ADAMTSL1: variants seen among roughly 807,000 people sequenced by gnomAD.
The protein encoded by ADAMTSL1 is ADAMTS-like protein 1.
A neutral mutation model predicts 201.8 loss-of-function variants in ADAMTSL1; 126 were observed. The ratio of observed to expected loss-of-function variants is 0.62; its 90% CI spans 0.54 to 0.72. The LOEUF (loss-of-function observed/expected upper bound fraction) is 0.72. ADAMTSL1 is among the 30% of genes least tolerant of loss of function. The probability of loss-of-function intolerance (pLI) is 0.00; values close to 1 mark genes in which losing one functional copy is unlikely to be tolerated. For synonymous variants in ADAMTSL1, 1,121 were observed against 903.4 expected (o/e 1.24, Z -4.32); for missense variants, 2,679 against 2,277.8 (o/e 1.18, Z -3.59).
At chr9:18,843,210 G>A (rs1825849589) in intron 23 of ADAMTSL1, among the ~76,000 whole-genome samples, 1 of 150,750 alleles carries the variant, frequency 6.6e-6, no homozygotes, top group Non-Finnish European at 1.5e-5. Context: ...TCCTTCAGGA[G>A]CTCTTTTAGG....
chr9:18,416,059 C>A (rs1241942705), intron 2 of ADAMTSL1, among the ~76,000 whole-genome samples: 1 of 151,910 alleles, frequency 6.6e-6, no homozygotes, highest in East Asian at 1.9e-4. Context: ...AGGAAATCCT[C>A]CAAGCAAAAT....
chr9:18,238,721 G>A (rs918799886), intron 2 of ADAMTSL1, among the ~76,000 whole-genome samples: 2 of 152,116 alleles, frequency 1.3e-5, no homozygotes, highest in African/African-American at 4.8e-5. Flanking sequence ...ATTTATGTTT[G>A]TATACATTTA....
chr9:18,101,240 A>G (rs10756934), intron 1 of ADAMTSL1, among the ~76,000 whole-genome samples: 88,362 of 151,980 alleles, frequency 0.58, 26,760 homozygotes, highest in African/African-American at 0.77. Flanking sequence ...GCTCACGTCT[A>G]TAATCTTAGC....
At chr9:18,581,817 G>A (rs1823115545) in intron 4 of ADAMTSL1, among the ~76,000 whole-genome samples, 1 of 152,176 alleles carries the variant, frequency 6.6e-6, no homozygotes, top group Non-Finnish European at 1.5e-5. Flanking sequence ...AATAATCCTT[G>A]TGGCTCAGTG....
chr9:18,340,575 A>C (rs1275572423), intron 2 of ADAMTSL1, among the ~76,000 whole-genome samples: 2 of 151,800 alleles, frequency 1.3e-5, no homozygotes, highest in Non-Finnish European at 2.9e-5. Flanking sequence ...TCCCTACCCA[A>C]CTCTCACCTT....
chr9:18,509,552 A>G lies in ADAMTSL1; in HGVS notation c.191+4596A>G, dbSNP rs977177777. Among the ~76,000 whole-genome samples, 7 of 152,308 alleles carry G rather than the reference A, an allele frequency of 4.6e-5. No individual in the cohort carries two copies. The South Asian group carries it at 1.0e-3, about 23-fold the overall frequency. On this transcript the variant is annotated intron_variant, in intron 2 of 28. Coordinates refer to ENST00000380548, the MANE Select transcript of ADAMTSL1 (RefSeq NM_001040272.6). ...TCTAGGGTTGGCTGGATGTTGGCTG[A>G]TCTAGACTGGCTTCATCTGGTTCAA... is the stretch of plus-strand genomic sequence containing the variant.
intron 15 of ADAMTSL1, 84 bp downstream of exon 15, chr9:18,721,749 A>C: frequency 6.6e-7 from 1 of 1,514,358 alleles, no homozygotes; most frequent in Non-Finnish European, 8.9e-7. Context: ...TGTAACACTT[A>C]TTTGTTACTC....
At chr9:18,369,443 A>G (rs1836940710) in intron 2 of ADAMTSL1, among the ~76,000 whole-genome samples, 1 of 152,218 alleles carries the variant, frequency 6.6e-6, no homozygotes, top group Admixed American at 6.5e-5. Context: ...ATCTCACATC[A>G]GTCAGAAGGG....
intron 1 of ADAMTSL1, among the ~76,000 whole-genome samples, chr9:17,967,152 G>T (rs984243088): frequency 6.6e-6 from 1 of 152,046 alleles, no homozygotes; most frequent in East Asian, 1.9e-4. Flanking sequence ...TGTCTCTAGG[G>T]CATGTCCGGA....
At chr9:18,706,588 C>A in intron 13 of ADAMTSL1, 159 bp from the exon 14 acceptor site, 1 of 697,880 alleles carries the variant, frequency 1.4e-6, no homozygotes, top group South Asian at 2.1e-5. Context: ...CGCTTATGAA[C>A]TAAACTGAAG....
intron 2 of ADAMTSL1, among the ~76,000 whole-genome samples, chr9:18,277,583 G>A (rs909289802): frequency 6.6e-6 from 1 of 152,064 alleles, no homozygotes; most frequent in African/African-American, 2.4e-5. Context: ...TCTCATGTAA[G>A]TTTAGCCACC....
At position 18,678,697 on chromosome 9, in the gene ADAMTSL1, A is replaced by G. The variant is rs143996274; in HGVS notation, c.1137-1615A>G. Among the ~76,000 whole-genome samples, 854 of 152,284 alleles carry G rather than the reference A, an allele frequency of 5.6e-3. 5 individuals carry two copies. Among genetic ancestry groups the G allele is most frequent in the African/African-American group, 0.02 (822 of 41,552 alleles). On this transcript the variant is annotated intron_variant, in intron 10 of 28. Coordinates refer to ENST00000380548, the MANE Select transcript of ADAMTSL1 (RefSeq NM_001040272.6). ...TAGCATCTTAATATTCTAAGTGATT[A>G]AATGTACATTTAAAAACATATTCCT...
chr9:18,684,723 T>A lies in ADAMTSL1; in HGVS notation c.1497T>A (p.Leu499=). 1 of 1,612,864 alleles carries A rather than the reference T, an allele frequency of 6.2e-7. No individual in the cohort carries two copies. Residue 499 remains leucine, a synonymous_variant, in exon 13 of 29, where the codon CTT becomes CTA. Coordinates refer to ENST00000380548, the MANE Select transcript of ADAMTSL1 (RefSeq NM_001040272.6). Reference sequence around the variant, plus strand: ...CATGCACTGAATTCTCAGAGAAACTTCCAGTCGAGGCCAAGTTGCCATGGT... The same window carrying A: ...CATGCACTGAATTCTCAGAGAAACTACCAGTCGAGGCCAAGTTGCCATGGT... ...PTPCYKPKEK[L]PVEAKLPWFK...
At chr9:18,271,337 C>A (rs1168242570) in intron 2 of ADAMTSL1, among the ~76,000 whole-genome samples, 2 of 152,058 alleles carry the variant, frequency 1.3e-5, no homozygotes, top group Non-Finnish European at 1.5e-5. Flanking sequence ...CCCACTCCCC[C>A]CACCCCACAA....
chr9:18,236,827 G>C (rs2132431769), intron 2 of ADAMTSL1, among the ~76,000 whole-genome samples: 1 of 152,302 alleles, frequency 6.6e-6, no homozygotes, highest in East Asian at 1.9e-4. Flanking sequence ...TTACATTCCA[G>C]TGCTATTCAG....
At chr9:18,880,656 T>C (rs115696484) in intron 23 of ADAMTSL1, among the ~76,000 whole-genome samples, 233 of 152,324 alleles carry the variant, frequency 1.5e-3, no homozygotes, top group African/African-American at 5.5e-3. Flanking sequence ...ACAGGCAGAT[T>C]AGATGTAACG....
chr9:18,811,784 AG>A (rs1823522425), intron 20 of ADAMTSL1, among the ~76,000 whole-genome samples: 1 of 152,232 alleles, frequency 6.6e-6, no homozygotes, highest in Non-Finnish European at 1.5e-5. Context: ...AGGAAATAAA[AG>A]GCATAGAGAC....
At chr9:18,894,215 C>T (rs758047360) in intron 26 of ADAMTSL1, among the ~76,000 whole-genome samples, 14 of 152,184 alleles carry the variant, frequency 9.2e-5, no homozygotes, top group Non-Finnish European at 1.6e-4. Context: ...CCAGGCACAA[C>T]GGCTCATGCC....
intron 2 of ADAMTSL1, among the ~76,000 whole-genome samples, chr9:18,324,639 C>G (rs1306269601): frequency 6.6e-6 from 1 of 151,846 alleles, no homozygotes. Context: ...TGGTGTATGA[C>G]TGTAATCCCA....
Sources: gnomAD v4.1 joint callset for allele counts (sites outside exome capture counted in the v4.1 genomes callset) on GRCh38, gnomAD v4.1.1 for gene constraint, MANE v1.5 for transcripts, NCBI Gene and HGNC (gene_info 2026-07-23, HGNC 2026-07-21) for gene names.